ADARB1: variants seen among roughly 807,000 people sequenced by gnomAD.
ADARB1 encodes double-stranded RNA-specific editase 1.
A neutral mutation model predicts 52.4 loss-of-function variants in ADARB1; 10 were observed. The observed-to-expected ratio is 0.19, with a 90% CI of 0.12 to 0.32. ADARB1 has a LOEUF of 0.32. Ranked by LOEUF, ADARB1 falls within the 10% of genes least tolerant of loss-of-function variation. ADARB1 has a pLI of 1.00. For synonymous variants in ADARB1, 349 were observed against 371.1 expected, an observed-to-expected ratio of 0.94 and a Z score of 0.68; for missense variants, 643 against 922.3, an observed-to-expected ratio of 0.70 and a Z score of 3.92.
intron 1 of ADARB1, among the ~76,000 whole-genome samples, chr21:45,109,959 G>T (rs920459745): frequency 6.6e-6 from 1 of 152,172 alleles, no homozygotes; most frequent in Non-Finnish European, 1.5e-5. Context: ...TAGCGTGGGG[G>T]CTGCCTCTAG....
At chr21:45,171,476 C>A (rs529971575) in intron 2 of ADARB1, 134 bp from the exon 3 acceptor site, 16 of 629,348 alleles carry the variant, frequency 2.5e-5, no homozygotes, top group Non-Finnish European at 4.1e-5. Flanking sequence ...ACTTCTCTAA[C>A]AAGACCTAGT....
chr21:45,152,305 G>A (rs780920582), intron 2 of ADARB1, among the ~76,000 whole-genome samples: 40 of 133,862 alleles, frequency 3.0e-4, no homozygotes, highest in Non-Finnish European at 4.7e-4. Context: ...AAGATTCACG[G>A]CTGTCGTTCT....
intron 1 of ADARB1, among the ~76,000 whole-genome samples, chr21:45,077,019 A>G (rs1001829806): frequency 1.1e-4 from 16 of 152,226 alleles, no homozygotes; most frequent in African/African-American, 3.9e-4. Flanking sequence ...ACTTGGTTCA[A>G]AGGCTGCACC....
chr21:45,119,032 C>G (rs988365886), intron 1 of ADARB1, among the ~76,000 whole-genome samples: 1 of 152,134 alleles, frequency 6.6e-6, no homozygotes, highest in Admixed American at 6.5e-5. Context: ...TAACAGAGCT[C>G]TGGGAAGAAT....
chr21:45,123,928 C>A (rs1438737419), intron 1 of ADARB1, among the ~76,000 whole-genome samples: 1 of 152,154 alleles, frequency 6.6e-6, no homozygotes, highest in Non-Finnish European at 1.5e-5. Flanking sequence ...ATAATACTGT[C>A]CTTTTCTTTT....
chr21:45,134,680 C>T (rs2089257873), intron 2 of ADARB1: 2 of 451,120 alleles, frequency 4.4e-6, no homozygotes, highest in Non-Finnish European at 8.9e-6. Flanking sequence ...GGGCAAAAGA[C>T]TTGCACAGAT....
In ADARB1 at chr21:45,180,325, C is replaced by T. The variant is rs2091884526; in HGVS notation, c.964-5C>T. 6.2e-7 allele frequency: 1 copy of T among 1,611,498 alleles called. No homozygotes were observed. The highest frequency in any genetic ancestry group is 8.5e-7 in the Non-Finnish European group (1 of 1,178,026). On this transcript the variant is annotated splice_polypyrimidine_tract_variant and splice_region_variant and intron_variant, in intron 4 of 10. Coordinates refer to ENST00000348831, the MANE Select transcript of ADARB1 (RefSeq NM_001112.4). ...CCCTAACCTGCATCTGTGCTTCCCA[C>T]ACAGGTTTTAGCTGACGCTGTCTCA...
chr21:45,121,271 G>T (rs1668407966), intron 1 of ADARB1, among the ~76,000 whole-genome samples: 1 of 152,146 alleles, frequency 6.6e-6, no homozygotes, highest in South Asian at 2.1e-4. Flanking sequence ...TTCTCTACAA[G>T]AGCACAGTTC....
chr21:45,222,604 A>G lies in ADARB1; in HGVS notation c.*407A>G. On this transcript the variant is annotated 3_prime_UTR_variant, in exon 11 of 11. Transcript: ENST00000348831. Reference sequence around the variant, plus strand: ...CAGAGCTAGGAATGTGGTTTATAAAATAGGAAGTAATTGTGTCAGGTCACT... The same window carrying G: ...CAGAGCTAGGAATGTGGTTTATAAAGTAGGAAGTAATTGTGTCAGGTCACT... The G allele has an allele frequency of 1.0e-6, 1 of 1,002,926 alleles. No individual in the cohort carries two copies. Among genetic ancestry groups the G allele is most frequent in the South Asian group, 4.6e-5 (1 of 21,570 alleles). The allele number at this position is 1,002,926 out of a possible 1,614,324, so 62.1% of individuals were successfully genotyped here. A position where few individuals can be genotyped will look rare whatever the true frequency, so the allele number is the denominator to read the frequency against.
intron 1 of ADARB1, among the ~76,000 whole-genome samples, chr21:45,124,559 G>A (rs1295754416): frequency 1.3e-5 from 2 of 151,676 alleles, no homozygotes; most frequent in Non-Finnish European, 2.9e-5. Flanking sequence ...TATTTTTTTT[G>A]TAGAGACAAG....
At chr21:45,216,586 A>T (rs1484866633) in intron 9 of ADARB1, among the ~76,000 whole-genome samples, 1 of 152,086 alleles carries the variant, frequency 6.6e-6, no homozygotes, top group Non-Finnish European at 1.5e-5. Context: ...TAATGACTTC[A>T]GTCCTTTTAA....
At chr21:45,178,984 T>C (rs1282984243) in intron 4 of ADARB1, among the ~76,000 whole-genome samples, 1 of 152,226 alleles carries the variant, frequency 6.6e-6, no homozygotes, top group Non-Finnish European at 1.5e-5. Flanking sequence ...GAGATTCGCC[T>C]AATCTTATAT....
intron 2 of ADARB1, among the ~76,000 whole-genome samples, chr21:45,162,155 A>G (rs983429021): frequency 6.6e-6 from 1 of 152,128 alleles, no homozygotes; most frequent in Non-Finnish European, 1.5e-5. Flanking sequence ...AGGAGCCCAG[A>G]CCTAGGAGCT....
Position 45,222,830 on chromosome 21 carries a change from G to A in ADARB1, c.*633G>A, listed in dbSNP as rs2092988987. ...CCCTGAGGAGCAGACTCCCAGCATG[G>A]TGTAGCGTGGCCCTGTCATGCACAT... On this transcript the variant is annotated 3_prime_UTR_variant, in exon 11 of 11. Transcript: ENST00000348831. The A allele has an allele frequency of 1.0e-6, 1 of 985,384 alleles. No individual in the cohort carries two copies. Among genetic ancestry groups the A allele is most frequent in the Non-Finnish European group, 1.2e-6 (1 of 830,026 alleles). 61.0% of individuals were successfully genotyped at this position (985,384 alleles called of 1,614,324 possible). A position where few individuals can be genotyped will look rare whatever the true frequency, so the allele number is the denominator to read the frequency against.
At chr21:45,146,276 A>G (rs1324861749) in intron 2 of ADARB1, 1 of 152,252 alleles carries the variant, frequency 6.6e-6, no homozygotes, top group Non-Finnish European at 1.5e-5. Context: ...TGTTTCTTGA[A>G]TATACTTTTC....
rs568052930 is a variant in ADARB1, at chr21:45,208,719, T to TGA, written c.1747+3993_1747+3994dup. On this transcript the variant is annotated intron_variant, in intron 9 of 10. Coordinates refer to ENST00000348831, the MANE Select transcript of ADARB1 (RefSeq NM_001112.4). The surrounding 1 kb of genome is among the most constrained non-coding windows in gnomAD (Gnocchi z 5.6). ...GTGTGTGCACGCTCACATGAGTGTA[T>TGA]GAGAGAGAGAGTGTGTGTGTGTGTG... 4.0e-4 allele frequency among the ~76,000 whole-genome samples: 61 copies of TGA among 151,894 alleles called. No individual in the cohort carries two copies. The highest frequency in any genetic ancestry group is 1.2e-3 in the African/African-American group (48 of 41,360).
rs1034351106 is a variant in ADARB1, at chr21:45,208,497, A to G, written c.1747+3761A>G. Among the ~76,000 whole-genome samples the G allele has an allele frequency of 2.0e-5, 3 of 152,218 alleles. No individual in the cohort carries two copies. ...GAAGGCAGGTGCCTGCTGAGCTGCT[A>G]TCCACCCGAGACCATTTGACATTAT... On this transcript the variant is annotated intron_variant, in intron 9 of 10. Coordinates refer to ENST00000348831, the MANE Select transcript of ADARB1 (RefSeq NM_001112.4). The surrounding 1 kb of genome is among the most constrained non-coding windows in gnomAD (Gnocchi z 5.6).
At chr21:45,137,724 A>T (rs1027017489) in intron 2 of ADARB1, among the ~76,000 whole-genome samples, 3 of 151,320 alleles carry the variant, frequency 2.0e-5, no homozygotes, top group Non-Finnish European at 2.9e-5. Flanking sequence ...GAAGCCTGTG[A>T]TGATGGTGGC....
At chr21:45,177,396 C>T (rs578161317) in intron 4 of ADARB1, 17 of 152,394 alleles carry the variant, frequency 1.1e-4, no homozygotes, top group African/African-American at 3.8e-4. Context: ...TTCCATTTGA[C>T]CTCCCCAGCG....
Sources: allele counts gnomAD v4.1 joint callset (sites outside exome capture counted in the v4.1 genomes callset), GRCh38; gene constraint gnomAD v4.1.1; non-coding constraint Gnocchi (gnomAD v3.1); transcripts MANE v1.5; gene names NCBI Gene and HGNC (gene_info 2026-07-23, HGNC 2026-07-21).